The following HS6ST3 variants were observed in gnomAD, a reference collection of about 807,000 sequenced individuals.
HS6ST3 encodes the protein heparan-sulfate 6-O-sulfotransferase 3.
In HS6ST3, 12 loss-of-function variants were observed where a neutral mutation model predicts 36.7. The observed-to-expected ratio is 0.33, with a 90% confidence interval of 0.21 to 0.53. HS6ST3 has a LOEUF of 0.53. Among genes scored for constraint, HS6ST3 ranks in the 20% least tolerant of loss-of-function variants. The probability of loss-of-function intolerance (pLI) is 0.95; values close to 1 mark genes in which losing one functional copy is unlikely to be tolerated. For synonymous variants in HS6ST3, 240 were observed against 257.5 expected (o/e 0.93, Z 0.65); for missense variants, 584 against 640.9 (o/e 0.91, Z 0.96).
intron 1 of HS6ST3, among the ~76,000 whole-genome samples, chr13:96,533,582 A>T (rs1465226810): frequency 6.6e-6 from 1 of 152,198 alleles, no homozygotes. Context: ...AGAAGACATC[A>T]ACGGGGGCAG....
intron 1 of HS6ST3, among the ~76,000 whole-genome samples, chr13:96,226,494 C>G (rs1386919515): frequency 6.6e-6 from 1 of 151,880 alleles, no homozygotes; most frequent in Non-Finnish European, 1.5e-5. Context: ...CACTCCAGCC[C>G]CGGCAACAAG....
intron 1 of HS6ST3, among the ~76,000 whole-genome samples, chr13:96,365,247 G>A: frequency 6.6e-6 from 1 of 152,292 alleles, no homozygotes; most frequent in South Asian, 2.1e-4. Context: ...ACTCTCTGAT[G>A]TTCCTCCCTG....
At chr13:96,789,059 TC>T (rs1410916614) in intron 1 of HS6ST3, among the ~76,000 whole-genome samples, 3 of 151,878 alleles carry the variant, frequency 2.0e-5, no homozygotes, top group African/African-American at 7.2e-5. Context: ...TTTGTTTTTT[TC>T]TTGCTTGTTC....
intron 1 of HS6ST3, among the ~76,000 whole-genome samples, chr13:96,505,344 C>A (rs551222469): frequency 6.6e-6 from 1 of 152,124 alleles, no homozygotes; most frequent in Non-Finnish European, 1.5e-5. Context: ...AATGTTCTCC[C>A]CACATTCCTC....
intron 1 of HS6ST3, among the ~76,000 whole-genome samples, chr13:96,299,872 A>G (rs947220244): frequency 6.6e-6 from 1 of 151,998 alleles, no homozygotes; most frequent in African/African-American, 2.4e-5. Context: ...GAACTACTGG[A>G]GACTGGGTAA....
intron 1 of HS6ST3, among the ~76,000 whole-genome samples, chr13:96,461,978 G>A (rs1467602235): frequency 6.6e-6 from 1 of 152,186 alleles, no homozygotes; most frequent in Admixed American, 6.5e-5. Context: ...TAATGATCAA[G>A]TTGTGTTATC....
intron 1 of HS6ST3, among the ~76,000 whole-genome samples, chr13:96,748,567 A>G (rs1315005090): frequency 6.6e-6 from 1 of 152,102 alleles, no homozygotes. Context: ...GTTTGCAAAT[A>G]TCTCACATGC....
chr13:96,126,010 G>A (rs1472364225), intron 1 of HS6ST3, among the ~76,000 whole-genome samples: 2 of 151,758 alleles, frequency 1.3e-5, no homozygotes, highest in African/African-American at 4.8e-5. Flanking sequence ...TACAAGTAAC[G>A]GCAGGTGGTC....
chr13:96,762,701 C>T (rs533951189), intron 1 of HS6ST3, among the ~76,000 whole-genome samples: 1 of 152,222 alleles, frequency 6.6e-6, no homozygotes, highest in Admixed American at 6.5e-5. Flanking sequence ...TTCATTGGCT[C>T]AAGGGCTCTT....
rs766397124 is a variant in HS6ST3 at position 96,304,711 on chromosome 13, C to CTTTCTTTCTT, written c.707+213145_707+213146insCTTTCTTTTT. 6.9e-3 allele frequency among the ~76,000 whole-genome samples: 612 copies of CTTTCTTTCTT among 89,316 alleles called. 23 individuals are homozygous for CTTTCTTTCTT. Among genetic ancestry groups the CTTTCTTTCTT allele is most frequent in the African/African-American group, 0.025 (579 of 22,710 alleles). 58.6% of individuals were successfully genotyped at this position (89,316 alleles called of 152,430 possible). On this transcript the variant is annotated intron_variant, in intron 1 of 1. Coordinates refer to ENST00000376705, the MANE Select transcript of HS6ST3 (RefSeq NM_153456.4). ...TCTTTCTTTCTTTCTTTCTTTCTTTCTTTTTTTTTTTTTTTTTTTTACAGA... is the reference window on the plus strand; with the variant it reads ...TCTTTCTTTCTTTCTTTCTTTCTTTCTTTCTTTCTTTTTTTTTTTTTTTTTTTTTTACAGA...
At chr13:96,513,178 C>T (rs552239337) in intron 1 of HS6ST3, among the ~76,000 whole-genome samples, 1 of 152,104 alleles carries the variant, frequency 6.6e-6, no homozygotes, top group Non-Finnish European at 1.5e-5. Context: ...CCCCCTCCCC[C>T]CTTTACTGGA....
intron 1 of HS6ST3, among the ~76,000 whole-genome samples, chr13:96,417,053 A>G (rs994961051): frequency 6.6e-5 from 10 of 152,256 alleles, no homozygotes; most frequent in African/African-American, 2.4e-4. Context: ...CCCGGCCGGC[A>G]TGGGGTAACT....
chr13:96,796,589 A>G (rs1877918245), intron 1 of HS6ST3, among the ~76,000 whole-genome samples: 1 of 152,084 alleles, frequency 6.6e-6, no homozygotes, highest in Non-Finnish European at 1.5e-5. Context: ...ATGGAGAAAT[A>G]ATTTTAGATG....
At chr13:96,130,587 A>G (rs1319426554) in intron 1 of HS6ST3, among the ~76,000 whole-genome samples, 1 of 152,168 alleles carries the variant, frequency 6.6e-6, no homozygotes, top group East Asian at 1.9e-4. Context: ...ATGGGGAAAA[A>G]ATAACATACC....
At chr13:96,693,056 C>A (rs995845612) in intron 1 of HS6ST3, among the ~76,000 whole-genome samples, 1 of 152,130 alleles carries the variant, frequency 6.6e-6, no homozygotes, top group Non-Finnish European at 1.5e-5. Context: ...CATCTACAAT[C>A]CCAATTCATA....
At chr13:96,527,965 A>G (rs1244405367) in intron 1 of HS6ST3, among the ~76,000 whole-genome samples, 2 of 152,186 alleles carry the variant, frequency 1.3e-5, no homozygotes, top group African/African-American at 4.8e-5. Context: ...AGGTGGGGGC[A>G]CTAAACTCTT....
At chr13:96,474,663 A>G (rs921233077) in intron 1 of HS6ST3, among the ~76,000 whole-genome samples, 19 of 152,244 alleles carry the variant, frequency 1.2e-4, no homozygotes, top group African/African-American at 4.6e-4. Context: ...CACTAGGTAG[A>G]ACAATAATCG....
chr13:96,154,114 G>A (rs1383505498), intron 1 of HS6ST3, among the ~76,000 whole-genome samples: 1 of 151,960 alleles, frequency 6.6e-6, no homozygotes, highest in African/African-American at 2.4e-5. Flanking sequence ...ATTTTTCAGT[G>A]AAATGAGGTG....
chr13:96,231,622 A>T (rs2054508634), intron 1 of HS6ST3, among the ~76,000 whole-genome samples: 2 of 152,062 alleles, frequency 1.3e-5, no homozygotes, highest in Non-Finnish European at 2.9e-5. Context: ...GTCACTTTCC[A>T]CCAGGCCCCA....
Sources: allele counts gnomAD v4.1 joint callset (sites outside exome capture counted in the v4.1 genomes callset), GRCh38; gene constraint gnomAD v4.1.1; transcripts MANE v1.5; gene names NCBI Gene and HGNC (gene_info 2026-07-23, HGNC 2026-07-21).